Variants in MLX observed in about 807,000 individuals in gnomAD.
MLX encodes the protein MAX dimerization protein MLX.
In MLX, 15 loss-of-function variants were observed where a neutral mutation model predicts 33.0. The observed-to-expected ratio is 0.45, with a 90% CI of 0.30 to 0.70. MLX has a LOEUF of 0.70. Among genes scored for constraint, MLX ranks in the 30% least tolerant of loss-of-function variants. The pLI, the probability that MLX is intolerant of heterozygous loss-of-function variation, is 0.07. For missense variants in MLX, 285 were observed against 306.3 expected (o/e 0.93, Z 0.52); for synonymous variants, 115 against 115.6 (o/e 0.99, Z 0.03).
At position 42,567,111 on chromosome 17, in the gene MLX, C is replaced by T; in HGVS notation, c.-14C>T. On this transcript the variant is annotated 5_prime_UTR_variant, in exon 1 of 8. Transcript: ENST00000435881. ...GCCCGCCCGCTGGCCCGTTTCCGGT[C>T]CGGTGGGTACAAGATGACGGAGCCG... 1 of 1,244,814 alleles carries T rather than the reference C, an allele frequency of 8.0e-7. No homozygotes were observed. Among genetic ancestry groups the T allele is most frequent in the Non-Finnish European group, 1.0e-6 (1 of 994,436 alleles). The allele number at this position is 1,244,814 out of a possible 1,614,324, so 77.1% of individuals were successfully genotyped here.
Position 42,570,167 on chromosome 17 carries a change from A to G in MLX, c.662A>G (p.Glu221Gly), listed in dbSNP as rs780372140. 1.2e-6 allele frequency: 2 copies of G among 1,613,730 alleles called. No homozygotes were observed. The highest frequency in any genetic ancestry group is 1.7e-5 in the Admixed American group (1 of 60,004). ...LSACVFSWIE[E>G]HCKPQTLREI... ...GCGTGTGTCTTCAGCTGGATCGAGG[A>G]GCACTGTAAGCCTCAGGTATGGGGC... is the stretch of plus-strand genomic sequence containing the variant. The change falls in exon 7 of 8, where the codon GAG (glutamate) becomes GGG (glycine). Residue 221 changes from glutamate (E) to glycine (G), a missense_variant. Transcript: ENST00000435881.
rs756214487 is a variant in MLX, at chr17:42,571,571, G to A, written c.703G>A (p.Val235Ile). The A allele has an allele frequency of 1.6e-5, 26 of 1,613,976 alleles. No homozygotes were observed. Among genetic ancestry groups the A allele is most frequent in the African/African-American group, 4.0e-5 (3 of 74,904 alleles). Residue 235 changes from valine (V) to isoleucine (I), a missense_variant, in exon 8 of 8, where the codon GTC becomes ATC. Transcript: ENST00000435881. ...GACCCTGCGGGAGATTGTGATTGGC[G>A]TCCTGCACCAATTGAAAAACCAGCT... Reference protein sequence around the residue: ...PQTLREIVIGVLHQLKNQLY With the variant: ...PQTLREIVIGILHQLKNQLY
At chr17:42,568,311 C>G in intron 2 of MLX, 159 bp from the exon 3 acceptor site, 1 of 402,680 alleles carries the variant, frequency 2.5e-6, no homozygotes, top group Non-Finnish European at 4.6e-6. Context: ...TGCAGTGAGC[C>G]GAGATCGCGC....
At chr17:42,568,439 C>G (rs753692881) in intron 2 of MLX, 31 bp from the exon 3 acceptor site, 7 of 1,533,224 alleles carry the variant, frequency 4.6e-6, no homozygotes, top group Non-Finnish European at 6.3e-6. Context: ...CCCCACCCCA[C>G]CCCTTAGTGA....
rs982349429 is a variant in MLX at position 42,568,847 on chromosome 17, C to T, written c.180C>T (p.Asp60=). 6.2e-7 allele frequency: 1 copy of T among 1,608,610 alleles called. No homozygotes were observed. The highest frequency in any genetic ancestry group is 1.1e-5 in the South Asian group (1 of 90,150). The change falls in exon 4 of 8, where the codon GAC becomes GAT. Residue 60 remains aspartate (D), a synonymous_variant. Coordinates refer to ENST00000435881, the MANE Select transcript of MLX (RefSeq NM_198204.2). ...CATCTCTGAGCGTAGATGATGAGGA[C>T]AGTGATTACCACCAGGAGGCCTACA... ...ASSVPNTDDE[D]SDYHQEAYKE... is the part of the protein sequence containing the mutation.
rs747809835 is a variant in MLX, at chr17:42,567,157, T to C, written c.33T>C (p.Pro11=). MTEPGASPED[P]WVKVEYAYSD... is the part of the protein sequence containing the mutation. ...AGCCGGGCGCCTCTCCCGAGGACCC[T>C]TGGGTCAAGGCAAGCCCCGTGGGCG... The change falls in exon 1 of 8, where the codon CCT becomes CCC. Residue 11 remains proline, a synonymous_variant. Transcript: ENST00000435881. 24 of 1,278,838 alleles carry C rather than the reference T, an allele frequency of 1.9e-5. No homozygotes were observed. Among genetic ancestry groups the C allele is most frequent in the Non-Finnish European group, 2.4e-5 (24 of 1,012,524 alleles). The allele number at this position is 1,278,838 out of a possible 1,614,324, so 79.2% of individuals were successfully genotyped here. A position where few individuals can be genotyped will look rare whatever the true frequency, so the allele number is the denominator to read the frequency against.
At chr17:42,567,908 C>T in intron 2 of MLX, 1 of 569,960 alleles carries the variant, frequency 1.8e-6, no homozygotes, top group Non-Finnish European at 3.1e-6. Context: ...CTCACACCCT[C>T]ATCACGTCCA....
intron 7 of MLX, among the ~76,000 whole-genome samples, chr17:42,570,677 C>T (rs1219330620): frequency 6.6e-6 from 1 of 151,466 alleles, no homozygotes; most frequent in African/African-American, 2.4e-5. Flanking sequence ...TTTTTTGAGA[C>T]GGGAGTCTCG....
At chr17:42,568,368 A>T (rs764062889) in intron 2 of MLX, 102 bp from the exon 3 acceptor site, 185 of 813,066 alleles carry the variant, frequency 2.3e-4, no homozygotes, top group Admixed American at 4.5e-4. Context: ...GTCTAAAAAA[A>T]AAATAAATAA....
In MLX at chr17:42,568,551, C is replaced by A; in HGVS notation, c.161C>A (p.Pro54His). Residue 54 changes from proline to histidine, a missense_variant, in exon 3 of 8, where the codon CCC becomes CAC. Physicochemically the swap from Pro to His is moderately conservative, Grantham distance 77 (BLOSUM62 -2). Coordinates refer to ENST00000435881, the MANE Select transcript of MLX (RefSeq NM_198204.2). The part of the protein sequence containing the change: ...SIGSTSASSV[P>H]NTDDEDSDYH... ...GGTTCCACCAGTGCCTCTTCTGTCC[C>A]CAACACAGGTAGGCAGTAACATCCC... The A allele has an allele frequency of 6.2e-7, 1 of 1,613,470 alleles. No individual in the cohort carries two copies. Among genetic ancestry groups the A allele is most frequent in the South Asian group, 1.1e-5 (1 of 91,040 alleles).
At chr17:42,568,709 G>A in intron 3 of MLX, 128 bp from the exon 4 acceptor site, 1 of 1,073,302 alleles carries the variant, frequency 9.3e-7, no homozygotes, top group Non-Finnish European at 1.4e-6. Context: ...ACCTCATCTG[G>A]AACATTAGGT....
At position 42,567,632 on chromosome 17, in the gene MLX, A is replaced by G; in HGVS notation, c.56A>G (p.Tyr19Cys). ...EDPWVKVEYA[Y>C]SDNSLDPGLF... The stretch of plus-strand genomic sequence containing the variant: ...TCTGTGCCGCAGGTGGAGTATGCCT[A>G]CAGCGACAACAGCCTGGACCCCGGT... Residue 19 changes from tyrosine to cysteine, a missense_variant, in exon 2 of 8, where the codon TAC becomes TGC. Transcript: ENST00000435881. The G allele has an allele frequency of 6.2e-7, 1 of 1,614,086 alleles. No individual in the cohort carries two copies. Among genetic ancestry groups the G allele is most frequent in the Non-Finnish European group, 8.5e-7 (1 of 1,179,990 alleles).
At chr17:42,569,476 A>G (rs1597718880) in intron 5 of MLX, 31 bp from the exon 6 acceptor site, 1 of 1,580,030 alleles carries the variant, frequency 6.3e-7, no homozygotes, top group East Asian at 2.2e-5. Context: ...ATACTTCTGT[A>G]CCTGTCCTTT....
chr17:42,571,380 G>C (rs533982379), intron 7 of MLX, among the ~76,000 whole-genome samples, 167 bp from the exon 8 acceptor site: 10 of 152,234 alleles, frequency 6.6e-5, no homozygotes, highest in African/African-American at 2.4e-4. Flanking sequence ...ACCCGCCTTG[G>C]CCTCCCGAAG....
rs770227149 is a variant in MLX at position 42,568,472 on chromosome 17, C to T, written c.82C>T (p.Leu28Phe). The change falls in exon 3 of 8, where the codon CTT becomes TTT. Residue 28 changes from leucine to phenylalanine, a missense_variant and splice_region_variant. Coordinates refer to ENST00000435881, the MANE Select transcript of MLX (RefSeq NM_198204.2). ...TGATTGGGGCCTCTCTTTTCCAGGG[C>T]TTTTTGTAGAAAGCACCCGCAAGGG... is the stretch of plus-strand genomic sequence containing the variant. ...AYSDNSLDPG[L>F]FVESTRKGSV... 6.2e-7 allele frequency: 1 copy of T among 1,613,636 alleles called. No homozygotes were observed.
chr17:42,572,805 T>C lies in MLX; in HGVS notation c.*1202T>C. On this transcript the variant is annotated 3_prime_UTR_variant, in exon 8 of 8. Transcript: ENST00000435881. ...TACCCCCAGCCACCAGCCCTCATCC[T>C]CTCTACCCAGTGCTCTGGTTTATGC... 1 of 835,892 alleles carries C rather than the reference T, an allele frequency of 1.2e-6. No individual in the cohort carries two copies. Among genetic ancestry groups the C allele is most frequent in the East Asian group, 2.6e-5 (1 of 37,950 alleles). The allele number at this position is 835,892 out of a possible 1,614,324, so 51.8% of individuals were successfully genotyped here.
In MLX at chr17:42,572,751, G is replaced by A; in HGVS notation, c.*1148G>A. ...GTCTAAATGTTAACCTCAAGCTACT[G>A]CAATTTAGACAATGAAATGGGCTGG... On this transcript the variant is annotated 3_prime_UTR_variant, in exon 8 of 8. Coordinates refer to ENST00000435881, the MANE Select transcript of MLX (RefSeq NM_198204.2). The A allele has an allele frequency of 3.0e-6, 2 of 674,770 alleles. No homozygotes were observed. The highest frequency in any genetic ancestry group is 5.4e-6 in the Non-Finnish European group (2 of 369,488). The allele number at this position is 674,770 out of a possible 1,614,324, so 41.8% of individuals were successfully genotyped here.
In MLX at chr17:42,573,065, T is replaced by TAAG; in HGVS notation, c.*1464_*1466dup. The stretch of plus-strand genomic sequence containing the variant: ...ACAAGTGAATGAGATGTCACCAGGA[T>TAAG]AAGACCACAGGGAAGCAAAGAAGGA... On this transcript the variant is annotated 3_prime_UTR_variant, in exon 8 of 8. Transcript: ENST00000435881. 1.2e-6 allele frequency: 2 copies of TAAG among 1,614,124 alleles called. No individual in the cohort carries two copies. The highest frequency in any genetic ancestry group is 1.7e-6 in the Non-Finnish European group (2 of 1,179,960).
chr17:42,570,073 G>A lies in MLX; in HGVS notation c.568G>A (p.Gly190Ser). 1.2e-6 allele frequency: 2 copies of A among 1,614,202 alleles called. No homozygotes were observed. Among genetic ancestry groups the A allele is most frequent in the Non-Finnish European group, 1.7e-6 (2 of 1,180,040 alleles). Reference protein sequence around the residue: ...SDQVKFNVFQGIMDSLFQSFN... With the variant: ...SDQVKFNVFQSIMDSLFQSFN... ...CCAGGTCAAGTTCAACGTGTTTCAA[G>A]GCATCATGGATTCCCTGTTCCAGTC... Residue 190 changes from glycine (G) to serine (S), a missense_variant, in exon 7 of 8, where the codon GGC becomes AGC. By Grantham distance (56) the Gly-to-Ser change is moderately conservative. Coordinates refer to ENST00000435881, the MANE Select transcript of MLX (RefSeq NM_198204.2).
Sources: gnomAD v4.1 joint callset for allele counts (sites outside exome capture counted in the v4.1 genomes callset) on GRCh38, gnomAD v4.1.1 for gene constraint, MANE v1.5 for transcripts, NCBI Gene and HGNC (gene_info 2026-07-23, HGNC 2026-07-21) for gene names.